Variants in COBLL1 observed in about 807,000 individuals in gnomAD.
COBLL1 encodes the protein cordon-bleu protein-like 1.
A neutral mutation model predicts 94.8 loss-of-function variants in COBLL1; 50 were observed. The ratio of observed to expected loss-of-function variants is 0.53; its 90% confidence interval spans 0.42 to 0.67. The LOEUF (loss-of-function observed/expected upper bound fraction) is 0.67. Among genes scored for constraint, COBLL1 ranks in the 30% least tolerant of loss-of-function variants. The pLI is 0.00. For missense variants in COBLL1, 1,362 were observed against 1,348.7 expected (o/e 1.01, Z -0.15); for synonymous variants, 448 against 473.8 (o/e 0.95, Z 0.71).
intron 1 of COBLL1, among the ~76,000 whole-genome samples, chr2:164,668,120 C>T (rs1287703409): frequency 6.6e-6 from 1 of 152,114 alleles, no homozygotes; most frequent in African/African-American, 2.4e-5. Context: ...TGCACCACCA[C>T]TCCCTGCTAA....
chr2:164,833,667 G>C (rs979579176), intron 2 of COBLL1, among the ~76,000 whole-genome samples: 1 of 151,950 alleles, frequency 6.6e-6, no homozygotes, highest in African/African-American at 2.4e-5. Flanking sequence ...AGCCAGGATG[G>C]TCTCGATCTC....
chr2:164,802,574 T>C (rs1683865306), intron 2 of COBLL1, among the ~76,000 whole-genome samples: 1 of 152,208 alleles, frequency 6.6e-6, no homozygotes, highest in Admixed American at 6.5e-5. Context: ...CCTCACTCAG[T>C]AGACAGTGTT....
At chr2:164,733,932 T>A (rs928128889) in intron 3 of COBLL1, among the ~76,000 whole-genome samples, 1 of 152,220 alleles carries the variant, frequency 6.6e-6, no homozygotes, top group Admixed American at 6.5e-5. Flanking sequence ...ATGGCTGCCA[T>A]ACTGGATAGA....
intron 2 of COBLL1, among the ~76,000 whole-genome samples, chr2:164,750,865 C>A (rs1055945392): frequency 3.3e-5 from 5 of 152,142 alleles, no homozygotes; most frequent in African/African-American, 4.8e-5. Flanking sequence ...CAGGGCCTTA[C>A]AATCCACATT....
rs1685474530 is a variant in COBLL1 at position 164,722,109 on chromosome 2, A to G, written c.962T>C (p.Ile321Thr). The change falls in exon 7 of 14, where the codon ATA (isoleucine) becomes ACA (threonine). Residue 321 changes from isoleucine (I) to threonine (T), a missense_variant. By Grantham distance (89) the Ile-to-Thr change is moderately conservative. Coordinates refer to ENST00000652658, the MANE Select transcript of COBLL1 (RefSeq NM_001365672.2). ...CTCATCCACGCTCATGGATTTCACT[A>G]TACAAGAAGCAGGCCTCTCCTGGAT... is the stretch of plus-strand genomic sequence containing the variant. ...AHIQERPASCIVKSMSVDETD... is the reference protein window; with the variant it reads ...AHIQERPASCTVKSMSVDETD... 1 of 1,612,234 alleles carries G rather than the reference A, an allele frequency of 6.2e-7. No homozygotes were observed. The highest frequency in any genetic ancestry group is 8.5e-7 in the Non-Finnish European group (1 of 1,179,124).
chr2:164,795,153 G>A (rs929444517), intron 2 of COBLL1, among the ~76,000 whole-genome samples: 3 of 151,952 alleles, frequency 2.0e-5, no homozygotes, highest in Admixed American at 1.3e-4. Flanking sequence ...CTCTTTAAAG[G>A]TACTCCTTTA....
intron 4 of COBLL1, among the ~76,000 whole-genome samples, chr2:164,728,653 A>G (rs1685835681): frequency 1.3e-5 from 2 of 152,020 alleles, no homozygotes; most frequent in South Asian, 4.1e-4. Flanking sequence ...TTTTGTTTCT[A>G]TTTGAAACAT....
At chr2:164,788,304 G>A (rs2105290925) in intron 2 of COBLL1, among the ~76,000 whole-genome samples, 1 of 152,266 alleles carries the variant, frequency 6.6e-6, no homozygotes, top group Middle Eastern at 3.4e-3. Flanking sequence ...AAAGACTGAT[G>A]TGCAGATGTG....
At chr2:164,805,351 A>T (rs1482953019) in intron 2 of COBLL1, among the ~76,000 whole-genome samples, 3 of 112,234 alleles carry the variant, frequency 2.7e-5, no homozygotes, top group African/African-American at 1.1e-4. Context: ...ATATATATAT[A>T]TATATATATA....
chr2:164,797,836 A>C (rs1683548407), intron 2 of COBLL1, among the ~76,000 whole-genome samples: 1 of 152,206 alleles, frequency 6.6e-6, no homozygotes, highest in Admixed American at 6.5e-5. Flanking sequence ...TCTTTTTCTT[A>C]TACAAGAACA....
intron 3 of COBLL1, among the ~76,000 whole-genome samples, chr2:164,733,363 G>A (rs1172273516): frequency 6.6e-6 from 1 of 152,066 alleles, no homozygotes; most frequent in Non-Finnish European, 1.5e-5. Context: ...CAGATATCAT[G>A]AGAAAAAAGT....
downstream of COBLL1, among the ~76,000 whole-genome samples, chr2:164,676,985 T>G (rs1035965278): frequency 6.6e-6 from 1 of 152,186 alleles, no homozygotes; most frequent in African/African-American, 2.4e-5. Flanking sequence ...TAAACATCAC[T>G]GATAACTTAC....
At position 164,695,734 on chromosome 2, in the gene COBLL1, T is replaced by C. The variant is rs1406092537; in HGVS notation, c.1658A>G (p.Asn553Ser). ...TCTCTCAACTTCCATATCAATGTTG[T>C]TATTTTTGGCAACACCTTCTACATT... ...EINVEGVAKN[N>S]NIDMEVERPS... is the part of the protein sequence containing the mutation. Residue 553 changes from asparagine to serine, a missense_variant, in exon 12 of 14, where the codon AAC becomes AGC. Transcript: ENST00000652658. The C allele has an allele frequency of 3.7e-6, 6 of 1,613,804 alleles. No individual in the cohort carries two copies. The highest frequency in any genetic ancestry group is 5.1e-6 in the Non-Finnish European group (6 of 1,179,834).
At chr2:164,674,012 G>C (rs958167184) in intron 1 of COBLL1, among the ~76,000 whole-genome samples, 4 of 152,194 alleles carry the variant, frequency 2.6e-5, no homozygotes, top group Middle Eastern at 6.8e-3. Flanking sequence ...AATGGTCTAT[G>C]CCTCATTTAG....
chr2:164,715,124 T>C (rs1346562889), intron 7 of COBLL1, among the ~76,000 whole-genome samples: 1 of 152,184 alleles, frequency 6.6e-6, no homozygotes, highest in African/African-American at 2.4e-5. Flanking sequence ...GCATTCACCA[T>C]TGCTTTTGTT....
chr2:164,776,107 C>T (rs1047070520), intron 2 of COBLL1, among the ~76,000 whole-genome samples: 1 of 151,230 alleles, frequency 6.6e-6, no homozygotes. Context: ...AATTCAACCC[C>T]CGGTCCTTTC....
At position 164,694,339 on chromosome 2, in the gene COBLL1, T is replaced by A; in HGVS notation, c.3053A>T (p.Asn1018Ile). The A allele has an allele frequency of 5.6e-6, 9 of 1,614,000 alleles. No individual in the cohort carries two copies. Among genetic ancestry groups the A allele is most frequent in the Non-Finnish European group, 7.6e-6 (9 of 1,179,892 alleles). ...SASALVQPPA[N>I]TEEGKTHSVN... ...AGAATGAGTCTTCCCTTCCTCTGTG[T>A]TGGCTGGAGGTTGGACCAATGCACT... The change falls in exon 12 of 14, where the codon AAC becomes ATC. Residue 1018 changes from asparagine (N) to isoleucine (I), a missense_variant. Transcript: ENST00000652658.
chr2:164,715,397 G>C (rs769339799), intron 7 of COBLL1, among the ~76,000 whole-genome samples: 11 of 151,788 alleles, frequency 7.2e-5, no homozygotes, highest in Non-Finnish European at 1.6e-4. Flanking sequence ...AAATATAAGA[G>C]GAAAATGGAG....
Position 164,694,613 on chromosome 2 carries a change from G to A in COBLL1, c.2779C>T (p.Pro927Ser). The A allele has an allele frequency of 6.2e-7, 1 of 1,613,890 alleles. No individual in the cohort carries two copies. The highest frequency in any genetic ancestry group is 1.7e-5 in the Admixed American group (1 of 59,920). Residue 927 changes from proline (P) to serine (S), a missense_variant, in exon 12 of 14, where the codon CCA becomes TCA. Pro to Ser is a moderately conservative substitution (Grantham distance 74). Transcript: ENST00000652658. ...TCAGTTTTTTCAACAAGGGGTTGTG[G>A]AACAGAGTGAGGCATTTTACTTAAG... ...SPLSKMPHSV[P>S]QPLVEKTDDD...
Sources: allele counts gnomAD v4.1 joint callset (sites outside exome capture counted in the v4.1 genomes callset), GRCh38; gene constraint gnomAD v4.1.1; transcripts MANE v1.5; gene names NCBI Gene and HGNC (gene_info 2026-07-23, HGNC 2026-07-21).